BBS9: variants seen among roughly 807,000 people sequenced by gnomAD.
BBS9 encodes the protein Bardet-Biedl syndrome 9, also known as protein PTHB1.
In BBS9, 89 loss-of-function variants were observed where a neutral mutation model predicts 117.7. The ratio of observed to expected loss-of-function variants is 0.76; its 90% CI spans 0.64 to 0.90. The LOEUF (loss-of-function observed/expected upper bound fraction) is 0.90. Ranked by LOEUF, BBS9 falls within the 40% of genes least tolerant of loss-of-function variation. The probability of loss-of-function intolerance (pLI) is 0.00; values close to 1 mark genes in which losing one functional copy is unlikely to be tolerated. For synonymous variants in BBS9, 379 were observed against 370.9 expected, an observed-to-expected ratio of 1.02 and a Z score of -0.25; for missense variants, 982 against 1,042.2, an observed-to-expected ratio of 0.94 and a Z score of 0.80.
intron 5 of BBS9, among the ~76,000 whole-genome samples, chr7:33,223,737 A>G (rs1399965063): frequency 6.7e-6 from 1 of 150,172 alleles, no homozygotes; most frequent in Non-Finnish European, 1.5e-5. Context: ...GACTTCCTTT[A>G]TTTCTTCATC....
chr7:33,444,230 C>T (rs1031646355), intron 19 of BBS9, among the ~76,000 whole-genome samples: 2 of 152,202 alleles, frequency 1.3e-5, no homozygotes, highest in South Asian at 2.1e-4. Flanking sequence ...CCAAATCATT[C>T]TGCATCTTGA....
chr7:33,184,959 G>A (rs985576110), intron 5 of BBS9, among the ~76,000 whole-genome samples: 1 of 152,192 alleles, frequency 6.6e-6, no homozygotes, highest in African/African-American at 2.4e-5. Flanking sequence ...TCCAGGAAAA[G>A]GGTGGGCAAT....
chr7:33,349,187 G>T lies in BBS9; in HGVS notation c.1432+17G>T. ...AATTTATGAGTAAGTTTTTTGTTTT[G>T]GCTGAAAGTCTACCATGGTGTGAAT... On this transcript the variant is annotated intron_variant, in intron 13 of 22. Transcript: ENST00000242067. 1 of 1,556,198 alleles carries T rather than the reference G, an allele frequency of 6.4e-7. No homozygotes were observed. Among genetic ancestry groups the T allele is most frequent in the Non-Finnish European group, 8.9e-7 (1 of 1,128,054 alleles).
chr7:33,131,904 G>GA (rs1319701135), intron 1 of BBS9, among the ~76,000 whole-genome samples: 3 of 152,032 alleles, frequency 2.0e-5, no homozygotes, highest in African/African-American at 2.4e-5. Flanking sequence ...ACTTGTTGTA[G>GA]AAAAAAAAGT....
At chr7:33,399,618 T>C (rs905246341) in intron 19 of BBS9, among the ~76,000 whole-genome samples, 2 of 152,178 alleles carry the variant, frequency 1.3e-5, no homozygotes, top group African/African-American at 4.8e-5. Context: ...ATAATTGTTA[T>C]GAAAAGGGAC....
intron 19 of BBS9, among the ~76,000 whole-genome samples, chr7:33,484,119 A>T (rs1842811821): frequency 6.6e-6 from 1 of 152,208 alleles, no homozygotes; most frequent in Non-Finnish European, 1.5e-5. Flanking sequence ...ATATTGATTG[A>T]TCTGAATTGA....
chr7:33,207,868 C>T (rs993008126), intron 5 of BBS9, among the ~76,000 whole-genome samples: 4 of 151,794 alleles, frequency 2.6e-5, no homozygotes, highest in East Asian at 1.9e-4. Context: ...AGTGCAATGG[C>T]GTGATCTCTG....
chr7:33,211,571 G>A (rs1331782430), intron 5 of BBS9, among the ~76,000 whole-genome samples: 1 of 151,648 alleles, frequency 6.6e-6, no homozygotes, highest in Non-Finnish European at 1.5e-5. Context: ...AAAATTTTTT[G>A]TAATTATTAT....
At chr7:33,204,294 C>A (rs569525155) in intron 5 of BBS9, among the ~76,000 whole-genome samples, 1 of 150,500 alleles carries the variant, frequency 6.6e-6, no homozygotes, top group Admixed American at 6.6e-5. Flanking sequence ...GTAATCCCAG[C>A]TACTTGGGAG....
intron 21 of BBS9, among the ~76,000 whole-genome samples, chr7:33,591,460 C>T (rs1861907018): frequency 6.6e-6 from 1 of 152,006 alleles, no homozygotes; most frequent in Admixed American, 6.6e-5. Flanking sequence ...TTTCTTAGAG[C>T]ACTGGTGAGC....
chr7:33,280,893 T>C (rs1258339996), intron 9 of BBS9, among the ~76,000 whole-genome samples: 1 of 148,892 alleles, frequency 6.7e-6, no homozygotes, highest in African/African-American at 2.5e-5. Context: ...TAAGTTTTGC[T>C]GTTAATTTGT....
intron 19 of BBS9, among the ~76,000 whole-genome samples, chr7:33,449,157 C>A (rs1288146224): frequency 2.6e-5 from 4 of 152,122 alleles, no homozygotes; most frequent in African/African-American, 9.7e-5. Flanking sequence ...GGGCATCAAT[C>A]GTGGTAGTTG....
At chr7:33,528,178 T>G (rs1482764564) in intron 20 of BBS9, among the ~76,000 whole-genome samples, 1 of 152,204 alleles carries the variant, frequency 6.6e-6, no homozygotes, top group African/African-American at 2.4e-5. Context: ...TAATACAGTT[T>G]GTTATTAAGA....
At chr7:33,177,766 G>A (rs889101564) in intron 5 of BBS9, 175 bp downstream of exon 5, 1 of 613,974 alleles carries the variant, frequency 1.6e-6, no homozygotes, top group African/African-American at 1.8e-5. Context: ...CCCTGAATGT[G>A]CCTGATATCG....
At chr7:33,340,875 T>C in intron 10 of BBS9, 22 bp from the exon 11 acceptor site, 1 of 1,601,100 alleles carries the variant, frequency 6.2e-7, no homozygotes, top group Non-Finnish European at 8.5e-7. Flanking sequence ...GATTAAATAA[T>C]TTTTCTTTTT....
At chr7:33,214,838 A>G (rs1400935682) in intron 5 of BBS9, among the ~76,000 whole-genome samples, 1 of 152,228 alleles carries the variant, frequency 6.6e-6, no homozygotes, top group Non-Finnish European at 1.5e-5. Context: ...GTGGAGATAG[A>G]AAAAACAAAA....
intron 5 of BBS9, among the ~76,000 whole-genome samples, chr7:33,186,855 G>A (rs920691723): frequency 1.3e-5 from 2 of 152,080 alleles, no homozygotes; most frequent in African/African-American, 4.8e-5. Context: ...ATTAATGCTT[G>A]CAAAATTTAG....
intron 21 of BBS9, among the ~76,000 whole-genome samples, chr7:33,620,231 G>T (rs1865337503): frequency 6.6e-6 from 1 of 151,976 alleles, no homozygotes; most frequent in Non-Finnish European, 1.5e-5. Flanking sequence ...TTACCCAGAG[G>T]AAATGTACAA....
chr7:33,250,780 C>G (rs944585295), intron 5 of BBS9, among the ~76,000 whole-genome samples: 1 of 152,166 alleles, frequency 6.6e-6, no homozygotes, highest in Non-Finnish European at 1.5e-5. Flanking sequence ...TTTTGCCTAG[C>G]TTACTTCAGC....
Sources: allele counts gnomAD v4.1 joint callset (sites outside exome capture counted in the v4.1 genomes callset), GRCh38; gene constraint gnomAD v4.1.1; transcripts MANE v1.5; gene names NCBI Gene and HGNC (gene_info 2026-07-23, HGNC 2026-07-21).